GRM5: variants seen among roughly 807,000 people sequenced by gnomAD.
GRM5 encodes the protein metabotropic glutamate receptor 5.
A neutral mutation model predicts 83.1 loss-of-function variants in GRM5; 19 were observed. The observed-to-expected ratio is 0.23, with a 90% CI of 0.16 to 0.34. The LOEUF (loss-of-function observed/expected upper bound fraction) is 0.34, where lower values mean the gene tolerates loss of function less well. Among genes scored for constraint, GRM5 ranks in the 10% least tolerant of loss-of-function variants. The probability of loss-of-function intolerance (pLI) is 1.00; values close to 1 mark genes in which losing one functional copy is unlikely to be tolerated. For missense variants in GRM5, 1,160 were observed against 1,588.3 expected (o/e 0.73, Z 4.58); for synonymous variants, 675 against 633.6 (o/e 1.07, Z -0.98).
intron 2 of GRM5, among the ~76,000 whole-genome samples, chr11:89,012,548 A>T (rs1464557841): frequency 6.6e-6 from 1 of 152,234 alleles, no homozygotes; most frequent in Non-Finnish European, 1.5e-5. Context: ...TTATGACTCT[A>T]CATTGAATGC....
chr11:88,933,253 C>T (rs547205159), intron 2 of GRM5, among the ~76,000 whole-genome samples: 1 of 119,992 alleles, frequency 8.3e-6, no homozygotes, highest in Admixed American at 1.2e-4. Context: ...TTGTGTTATC[C>T]TTCTCCTCAA....
At position 88,989,395 on chromosome 11, in the gene GRM5, A is replaced by C. The variant is rs1184562617; in HGVS notation, c.661+57817T>G. Among the ~76,000 whole-genome samples the C allele has an allele frequency of 5.8e-3, 724 of 124,478 alleles. 4 individuals are homozygous for C. The highest frequency in any genetic ancestry group is 0.021 in the African/African-American group (663 of 32,310). The allele number at this position is 124,478 out of a possible 152,430, so 81.7% of individuals were successfully genotyped here. On this transcript the variant is annotated intron_variant, in intron 2 of 9. Transcript: ENST00000305447. ...AGTGACCTACAAAGAGACTTAGACT[A>C]CCACACATTAATAATGGGAGACTTT...
chr11:88,985,723 C>A (rs1404240046), intron 2 of GRM5, among the ~76,000 whole-genome samples: 1 of 152,130 alleles, frequency 6.6e-6, no homozygotes, highest in Non-Finnish European at 1.5e-5. Context: ...CATAGCAACA[C>A]TAAAGCATTT....
At chr11:88,840,926 G>A (rs559396838) in intron 3 of GRM5, among the ~76,000 whole-genome samples, 5 of 152,140 alleles carry the variant, frequency 3.3e-5, no homozygotes, top group South Asian at 2.1e-4. Flanking sequence ...ACAAAGTGCC[G>A]ATGGAAACAA....
intron 3 of GRM5, among the ~76,000 whole-genome samples, chr11:88,658,986 C>A (rs1939836210): frequency 6.6e-6 from 1 of 152,076 alleles, no homozygotes; most frequent in South Asian, 2.1e-4. Flanking sequence ...TAAAAGCTTA[C>A]ATGACAGATT....
Position 88,628,174 on chromosome 11 carries a change from C to A in GRM5, c.1148-23210G>T, listed in dbSNP as rs1451798334. Among the ~76,000 whole-genome samples, 4 of 152,278 alleles carry A rather than the reference C, an allele frequency of 2.6e-5. No individual in the cohort carries two copies. The East Asian group carries it at 7.7e-4, about 29-fold the overall frequency. On this transcript the variant is annotated intron_variant, in intron 4 of 9. Coordinates refer to ENST00000305447, the MANE Select transcript of GRM5 (RefSeq NM_001143831.3). Reference sequence around the variant, plus strand: ...CCTAATTTCCCCAGATGCATGCATTCTCTACTTCTCTAATGCCTAGAGCCC... The same window carrying A: ...CCTAATTTCCCCAGATGCATGCATTATCTACTTCTCTAATGCCTAGAGCCC...
chr11:89,050,793 T>C (rs970124587), intron 1 of GRM5, among the ~76,000 whole-genome samples: 44 of 152,230 alleles, frequency 2.9e-4, no homozygotes, highest in African/African-American at 1.0e-3. Flanking sequence ...AATGAGATCA[T>C]GTTTTCTGCA....
chr11:88,678,736 C>T (rs1565183036), intron 3 of GRM5, among the ~76,000 whole-genome samples: 1 of 152,116 alleles, frequency 6.6e-6, no homozygotes, highest in Non-Finnish European at 1.5e-5. Flanking sequence ...ATTTTATCTA[C>T]TCTGAGGCTA....
intron 3 of GRM5, among the ~76,000 whole-genome samples, chr11:88,765,196 G>A (rs1274862196): frequency 6.6e-6 from 1 of 151,260 alleles, no homozygotes; most frequent in Non-Finnish European, 1.5e-5. Flanking sequence ...TAAGGATATT[G>A]AGTCTGTAAG....
chr11:88,887,190 T>G (rs553572208), intron 2 of GRM5, among the ~76,000 whole-genome samples: 1 of 152,354 alleles, frequency 6.6e-6, no homozygotes, highest in Admixed American at 6.5e-5. Context: ...TTCTTGATAC[T>G]GTCCCATCAG....
intron 2 of GRM5, among the ~76,000 whole-genome samples, chr11:88,954,174 G>C (rs1248563228): frequency 6.6e-6 from 1 of 152,184 alleles, no homozygotes; most frequent in Non-Finnish European, 1.5e-5. Context: ...CAGTGGAAGA[G>C]TTGGGAAAGC....
intron 2 of GRM5, among the ~76,000 whole-genome samples, chr11:88,916,277 CTT>C (rs1451914849): frequency 6.6e-6 from 1 of 152,156 alleles, no homozygotes; most frequent in Non-Finnish European, 1.5e-5. Flanking sequence ...GAAAGACAGT[CTT>C]TACTTGCGTA....
intron 7 of GRM5, among the ~76,000 whole-genome samples, chr11:88,587,948 T>C (rs1411896961): frequency 6.6e-6 from 1 of 152,192 alleles, no homozygotes; most frequent in Non-Finnish European, 1.5e-5. Context: ...GCTTTTCTCT[T>C]GTTAGTTTGT....
At chr11:88,987,862 A>C (rs1939789708) in intron 2 of GRM5, among the ~76,000 whole-genome samples, 1 of 151,128 alleles carries the variant, frequency 6.6e-6, no homozygotes, top group South Asian at 2.1e-4. Flanking sequence ...CCATCTGTAC[A>C]TCACCATCAT....
intron 4 of GRM5, among the ~76,000 whole-genome samples, chr11:88,636,660 T>G (rs1335706525): frequency 6.6e-6 from 1 of 152,242 alleles, no homozygotes; most frequent in Non-Finnish European, 1.5e-5. Context: ...AAGCCAACCT[T>G]ACATTTCAAG....
At chr11:89,009,632 C>T (rs1331039944) in intron 2 of GRM5, among the ~76,000 whole-genome samples, 5 of 151,634 alleles carry the variant, frequency 3.3e-5, no homozygotes, top group African/African-American at 9.7e-5. Context: ...CGCGGTGGCT[C>T]ACGCCTGTAA....
intron 9 of GRM5, chr11:88,524,116 C>A (rs1941783343): frequency 6.6e-6 from 1 of 152,060 alleles, no homozygotes; most frequent in Admixed American, 6.6e-5. Flanking sequence ...CAACTCAAGG[C>A]TCCTTCAACA....
At chr11:88,661,975 G>C (rs978830529) in intron 3 of GRM5, among the ~76,000 whole-genome samples, 2 of 152,142 alleles carry the variant, frequency 1.3e-5, no homozygotes, top group African/African-American at 4.8e-5. Flanking sequence ...TTTCTGAGGT[G>C]TATAAATCTC....
At chr11:88,812,777 G>C (rs1039688058) in intron 3 of GRM5, among the ~76,000 whole-genome samples, 2 of 151,990 alleles carry the variant, frequency 1.3e-5, no homozygotes, top group Non-Finnish European at 2.9e-5. Context: ...AAAACTTTGA[G>C]CTCCAAGAAT....
Sources: allele counts gnomAD v4.1 joint callset (sites outside exome capture counted in the v4.1 genomes callset), GRCh38; gene constraint gnomAD v4.1.1; transcripts MANE v1.5; gene names NCBI Gene and HGNC (gene_info 2026-07-23, HGNC 2026-07-21).